CHODL: variants seen among roughly 807,000 people sequenced by gnomAD.
CHODL encodes chondrolectin, also known as transmembrane protein MT75.
In CHODL, 29 loss-of-function variants were observed where a neutral mutation model predicts 34.5. The ratio of observed to expected loss-of-function variants is 0.84; its 90% CI spans 0.63 to 1.15. The LOEUF is 1.15. CHODL is among the 50% of genes most tolerant of loss of function. The pLI is 0.00. For synonymous variants in CHODL, 125 were observed against 116.1 expected, an observed-to-expected ratio of 1.08 and a Z score of -0.49; for missense variants, 332 against 332.5, an observed-to-expected ratio of 1.00 and a Z score of 0.01.
At position 18,256,806 on chromosome 21, in the gene CHODL, A is replaced by G; in HGVS notation, c.377A>G (p.Asn126Ser). 4 of 1,613,446 alleles carry G rather than the reference A, an allele frequency of 2.5e-6. No individual in the cohort carries two copies. The South Asian group carries it at 4.4e-5, about 18-fold the overall frequency. Residue 126 changes from asparagine (N) to serine (S), a missense_variant, in exon 2 of 6, where the codon AAT becomes AGT. Physicochemically the swap from Asn to Ser is conservative, Grantham distance 46. Coordinates refer to ENST00000299295, the MANE Select transcript of CHODL (RefSeq NM_024944.3). ...PDLYQWSDGS[N>S]SQYRNWYTDE... ...CTCTACCAGTGGTCTGATGGAAGCA[A>G]TTCCCAGTACCGGTGAGTATGGATC...
chr21:18,129,245 C>T (rs1271260033), intron 2 of CHODL, among the ~76,000 whole-genome samples: 1 of 148,238 alleles, frequency 6.7e-6, no homozygotes, highest in Non-Finnish European at 1.5e-5. Flanking sequence ...TATTGAAATT[C>T]ACCACAAACT....
intron 1 of CHODL, among the ~76,000 whole-genome samples, chr21:17,959,303 T>G (rs1283091632): frequency 6.6e-6 from 1 of 152,180 alleles, no homozygotes; most frequent in African/African-American, 2.4e-5. Flanking sequence ...TCTCTGAGGC[T>G]TTCCAATCAA....
chr21:17,977,928 A>G (rs1334891676), intron 1 of CHODL, among the ~76,000 whole-genome samples: 1 of 150,576 alleles, frequency 6.6e-6, no homozygotes, highest in Non-Finnish European at 1.5e-5. Flanking sequence ...CAAAAAAAAA[A>G]AAAAAAGAAA....
At chr21:18,224,428 A>T (rs1291086125) in intron 2 of CHODL, among the ~76,000 whole-genome samples, 1 of 152,210 alleles carries the variant, frequency 6.6e-6, no homozygotes, top group Non-Finnish European at 1.5e-5. Context: ...AAATAAGATT[A>T]TCATGTAAAG....
At chr21:17,951,107 CGT>C (rs3073722) in intron 1 of CHODL, among the ~76,000 whole-genome samples, 2,845 of 149,052 alleles carry the variant, frequency 0.019, 50 homozygotes, top group African/African-American at 0.031. Context: ...TTACTCTATA[CGT>C]GTGTGTGTGT....
intron 2 of CHODL, among the ~76,000 whole-genome samples, chr21:18,130,155 A>G (rs572816580): frequency 6.6e-6 from 1 of 152,262 alleles, no homozygotes; most frequent in East Asian, 1.9e-4. Flanking sequence ...TTAGTCAATA[A>G]TGCAGATATT....
At position 18,266,091 on chromosome 21, in the gene CHODL, T is replaced by C; in HGVS notation, c.*53T>C. On this transcript the variant is annotated 3_prime_UTR_variant, in exon 6 of 6. Coordinates refer to ENST00000299295, the MANE Select transcript of CHODL (RefSeq NM_024944.3). ...TGTAATTCTGGATCTGTATAAGGAA[T>C]GGCATCAGAACAATAGCTTGGAATG... is the stretch of plus-strand genomic sequence containing the variant. The C allele has an allele frequency of 6.2e-7, 1 of 1,613,484 alleles. No individual in the cohort carries two copies. Among genetic ancestry groups the C allele is most frequent in the Non-Finnish European group, 8.5e-7 (1 of 1,179,668 alleles).
chr21:17,919,840 T>G (rs1280746465), intron 1 of CHODL, among the ~76,000 whole-genome samples: 1 of 152,258 alleles, frequency 6.6e-6, no homozygotes, highest in Non-Finnish European at 1.5e-5. Context: ...TCTTGAATGC[T>G]TTGCTGCTTA....
upstream of CHODL, among the ~76,000 whole-genome samples, chr21:18,244,027 A>G (rs2074106828): frequency 6.6e-6 from 1 of 152,250 alleles, no homozygotes; most frequent in Admixed American, 6.5e-5. Flanking sequence ...ACTTCTCTCC[A>G]GTATTCCTGG....
chr21:18,020,224 CA>C (rs113166022), intron 1 of CHODL, among the ~76,000 whole-genome samples: 2,297 of 152,174 alleles, frequency 0.015, 56 homozygotes, highest in African/African-American at 0.052. Flanking sequence ...TGAAGTTTCA[CA>C]GAGAATTTAA....
At chr21:18,077,248 G>A (rs188277714) in intron 2 of CHODL, among the ~76,000 whole-genome samples, 1 of 152,224 alleles carries the variant, frequency 6.6e-6, no homozygotes, top group East Asian at 1.9e-4. Flanking sequence ...ATTGTTTCTT[G>A]GAAATGTATA....
At chr21:18,009,836 T>G (rs375500390) in intron 1 of CHODL, among the ~76,000 whole-genome samples, 3 of 135,606 alleles carry the variant, frequency 2.2e-5, no homozygotes, top group Admixed American at 1.5e-4. Flanking sequence ...TGCAGTGAGC[T>G]GAGATCGAGC....
intron 2 of CHODL, among the ~76,000 whole-genome samples, chr21:18,079,232 TTCTG>T (rs1339482152): frequency 1.3e-5 from 2 of 151,954 alleles, no homozygotes; most frequent in East Asian, 1.9e-4. Context: ...GTCTTTAACT[TTCTG>T]TCTGAGTTAT....
intron 1 of CHODL, among the ~76,000 whole-genome samples, chr21:18,255,473 T>A (rs1204481328): frequency 6.6e-6 from 1 of 152,090 alleles, no homozygotes; most frequent in Non-Finnish European, 1.5e-5. Flanking sequence ...CTGAGAGAAA[T>A]AATTTGTTTT....
chr21:18,069,730 A>C (rs2146496475), intron 2 of CHODL, among the ~76,000 whole-genome samples: 1 of 152,180 alleles, frequency 6.6e-6, no homozygotes, highest in East Asian at 1.9e-4. Context: ...TGACTACTAA[A>C]ATTTACAACT....
chr21:18,125,553 A>T, intron 2 of CHODL, among the ~76,000 whole-genome samples: 1 of 151,772 alleles, frequency 6.6e-6, no homozygotes, highest in East Asian at 1.9e-4. Context: ...AATTGATTAC[A>T]TTATTTTTAA....
intron 1 of CHODL, among the ~76,000 whole-genome samples, chr21:17,977,526 AT>A (rs1220000270): frequency 6.7e-6 from 1 of 150,342 alleles, no homozygotes; most frequent in Non-Finnish European, 1.5e-5. Context: ...CGCCCAGCTA[AT>A]TTTTTTGTAT....
At chr21:18,094,000 A>C (rs1258820684) in intron 2 of CHODL, among the ~76,000 whole-genome samples, 1 of 152,200 alleles carries the variant, frequency 6.6e-6, no homozygotes, top group Non-Finnish European at 1.5e-5. Flanking sequence ...ATAAAGATAC[A>C]CATAGACTGA....
At chr21:17,994,942 G>A in intron 1 of CHODL, among the ~76,000 whole-genome samples, 1 of 152,120 alleles carries the variant, frequency 6.6e-6, no homozygotes, top group East Asian at 1.9e-4. Context: ...CCAGGCTCTG[G>A]GGAGCAAATA....
Sources: gnomAD v4.1 joint callset for allele counts (sites outside exome capture counted in the v4.1 genomes callset) on GRCh38, gnomAD v4.1.1 for gene constraint, MANE v1.5 for transcripts, NCBI Gene and HGNC (gene_info 2026-07-23, HGNC 2026-07-21) for gene names.